Variants in CACNG8 observed in about 807,000 individuals in gnomAD.
CACNG8 encodes the protein calcium voltage-gated channel auxiliary subunit gamma 8, also known as voltage-dependent calcium channel gamma-8 subunit.
Under a neutral mutation model 26.9 loss-of-function variants are expected in CACNG8, and 5 were observed. The ratio of observed to expected loss-of-function variants is 0.19; its 90% CI spans 0.10 to 0.39. The LOEUF (loss-of-function observed/expected upper bound fraction) is 0.39. Among genes scored for constraint, CACNG8 ranks in the 10% least tolerant of loss-of-function variants. CACNG8 has a pLI of 1.00. For synonymous variants in CACNG8, 321 were observed against 296.7 expected (o/e 1.08, Z -0.84); for missense variants, 473 against 609.4 (o/e 0.78, Z 2.36).
rs140141877 is a variant in CACNG8, at chr19:53,979,925, G to C, written c.426G>C (p.Gly142=). 1.9e-6 allele frequency: 3 copies of C among 1,613,126 alleles called. No homozygotes were observed. Among genetic ancestry groups the C allele is most frequent in the African/African-American group, 2.7e-5 (2 of 74,872 alleles). ...TTAGCGCCATCCTGCTGCTGCTCGG[G>C]GGTGTGTGCGTGGCGGCCTCCCGCG... is the stretch of plus-strand genomic sequence containing the variant. Residue 142 remains glycine, a synonymous_variant, in exon 3 of 4, where the codon GGG becomes GGC. Coordinates refer to ENST00000270458, the MANE Select transcript of CACNG8 (RefSeq NM_031895.6).
Position 53,982,593 on chromosome 19 carries a change from G to A in CACNG8, c.1022G>A (p.Gly341Glu). The change falls in exon 4 of 4, where the codon GGG becomes GAG. Residue 341 changes from glycine to glutamate, a missense_variant. Gly to Glu is a moderately conservative substitution (Grantham distance 98). Transcript: ENST00000270458. This position sits in a 1 kb window ranked among gnomAD's most constrained non-coding sequence, Gnocchi z 8.4. Reference sequence around the variant, plus strand: ...GTGGGGGCGTTCGGCGGCGCGGCCGGGGGCGCCGGGGGCGGCGGCGGAGGC... The same window carrying A: ...GTGGGGGCGTTCGGCGGCGCGGCCGAGGGCGCCGGGGGCGGCGGCGGAGGC... 1.0e-5 allele frequency: 10 copies of A among 955,350 alleles called. No homozygotes were observed. The highest frequency in any genetic ancestry group is 1.2e-5 in the Non-Finnish European group (10 of 805,222). The allele number at this position is 955,350 out of a possible 1,614,324, so 59.2% of individuals were successfully genotyped here. A position where few individuals can be genotyped will look rare whatever the true frequency, so the allele number is the denominator to read the frequency against.
At chr19:53,972,454 C>T (rs899325008) in intron 1 of CACNG8, among the ~76,000 whole-genome samples, 3 of 149,632 alleles carry the variant, frequency 2.0e-5, no homozygotes, top group African/African-American at 7.4e-5. Flanking sequence ...CTCCACCTCC[C>T]AGGTTCAAGC....
At chr19:53,975,791 G>A (rs746125852) in intron 1 of CACNG8, among the ~76,000 whole-genome samples, 4 of 152,236 alleles carry the variant, frequency 2.6e-5, no homozygotes, top group Non-Finnish European at 5.9e-5. Flanking sequence ...CATTCATGAT[G>A]TGTGTTTGAG....
chr19:53,978,848 G>A (rs1227651699), intron 2 of CACNG8, among the ~76,000 whole-genome samples: 1 of 133,980 alleles, frequency 7.5e-6, no homozygotes, highest in Admixed American at 7.5e-5. Flanking sequence ...AGAGATAGAC[G>A]AAGTCAGGCC....
rs112615604 is a variant in CACNG8 at position 53,967,934 on chromosome 19, T to C, written c.283+4509T>C. ...AATCATTAAAAACACATAAAACCCA[T>C]TCTTAGCTGGATTTGGCCTGTGAGC... On this transcript the variant is annotated intron_variant, in intron 1 of 3. Coordinates refer to ENST00000270458, the MANE Select transcript of CACNG8 (RefSeq NM_031895.6). 3.7e-3 allele frequency among the ~76,000 whole-genome samples: 571 copies of C among 152,284 alleles called. 10 individuals carry two copies. Among genetic ancestry groups the C allele is most frequent in the African/African-American group, 0.013 (547 of 41,556 alleles).
At position 53,982,381 on chromosome 19, in the gene CACNG8, C is replaced by T. The variant is rs1187216446; in HGVS notation, c.810C>T (p.Tyr270=). The change falls in exon 4 of 4, where the codon TAC becomes TAT. Residue 270 remains tyrosine, a synonymous_variant. Coordinates refer to ENST00000270458, the MANE Select transcript of CACNG8 (RefSeq NM_031895.6). The surrounding 1 kb of genome is among the most constrained non-coding windows in gnomAD (Gnocchi z 8.4). ...GTCTGCCCAGTTACCGCTTCCGCTA[C>T]CGCCGCCGCTCCCGCTCTAGCTCCC... 3 of 1,529,648 alleles carry T rather than the reference C, an allele frequency of 2.0e-6. No individual in the cohort carries two copies. The highest frequency in any genetic ancestry group is 1.7e-6 in the Non-Finnish European group (2 of 1,143,886). The allele number at this position is 1,529,648 out of a possible 1,614,324, so 94.8% of individuals were successfully genotyped here.
chr19:53,977,432 T>C (rs2069336085), intron 1 of CACNG8, among the ~76,000 whole-genome samples: 1 of 152,106 alleles, frequency 6.6e-6, no homozygotes, highest in Non-Finnish European at 1.5e-5. Context: ...GATGAGAAAA[T>C]AGCTGAGGAT....
chr19:53,972,753 G>C (rs1345030676), intron 1 of CACNG8, among the ~76,000 whole-genome samples: 1 of 152,184 alleles, frequency 6.6e-6, no homozygotes, highest in Non-Finnish European at 1.5e-5. Context: ...GAGGCTCAGG[G>C]ACGATCCGGT....
At chr19:53,970,241 A>G (rs956851369) in intron 1 of CACNG8, among the ~76,000 whole-genome samples, 2 of 152,260 alleles carry the variant, frequency 1.3e-5, no homozygotes, top group Admixed American at 1.3e-4. Context: ...GCTTGAACCC[A>G]GGAGGCAGAG....
rs1042366991 is a variant in CACNG8 at position 53,989,691 on chromosome 19, G to A, written c.*6842G>A. 1.3e-5 allele frequency: 2 copies of A among 152,266 alleles called. No individual in the cohort carries two copies. The highest frequency in any genetic ancestry group is 4.8e-5 in the African/African-American group (2 of 41,444). The allele number at this position is 152,266 out of a possible 1,614,324, so 9.4% of individuals were successfully genotyped here. A position where few individuals can be genotyped will look rare whatever the true frequency, so the allele number is the denominator to read the frequency against. The stretch of plus-strand genomic sequence containing the variant: ...GCAGCAGGCCCCTCCCCTAGCTGGG[G>A]CGGGGATGTCTGTGTGCCATCATCT... On this transcript the variant is annotated 3_prime_UTR_variant, in exon 4 of 4. Coordinates refer to ENST00000270458, the MANE Select transcript of CACNG8 (RefSeq NM_031895.6).
chr19:53,978,286 G>T, intron 2 of CACNG8, 57 bp downstream of exon 2: 1 of 1,429,290 alleles, frequency 7.0e-7, no homozygotes, highest in Non-Finnish European at 9.8e-7. Flanking sequence ...GGCCTGGAAG[G>T]CGTCGGGGTG....
At position 53,979,924 on chromosome 19, in the gene CACNG8, G is replaced by A; in HGVS notation, c.425G>A (p.Gly142Glu). ...CTTAGCGCCATCCTGCTGCTGCTCG[G>A]GGGTGTGTGCGTGGCGGCCTCCCGC... is the stretch of plus-strand genomic sequence containing the variant. The change falls in exon 3 of 4, where the codon GGG becomes GAG. Residue 142 changes from glycine (G) to glutamate (E), a missense_variant. Physicochemically the swap from Gly to Glu is moderately conservative, Grantham distance 98 (BLOSUM62 -2). Around this residue, in one of 6 missense-constraint regions of CACNG8, gnomAD observed 155 missense variants for 253.0 expected, o/e 0.61. Transcript: ENST00000270458. The A allele has an allele frequency of 6.2e-7, 1 of 1,613,232 alleles. No individual in the cohort carries two copies. Among genetic ancestry groups the A allele is most frequent in the Non-Finnish European group, 8.5e-7 (1 of 1,179,512 alleles).
At chr19:53,971,984 G>C (rs1211195566) in intron 1 of CACNG8, among the ~76,000 whole-genome samples, 2 of 152,092 alleles carry the variant, frequency 1.3e-5, no homozygotes, top group African/African-American at 4.8e-5. Flanking sequence ...TGAATTCTGT[G>C]CCTAACTTCC....
At chr19:53,964,146 C>T (rs972431625) in intron 1 of CACNG8, among the ~76,000 whole-genome samples, 7 of 151,928 alleles carry the variant, frequency 4.6e-5, no homozygotes, top group African/African-American at 9.7e-5. Flanking sequence ...CCTGCTCCTC[C>T]GCTCCACCTG....
rs2069411439 is a variant in CACNG8, at chr19:53,986,922, G to A, written c.*4073G>A. 1 of 152,302 alleles carries A rather than the reference G, an allele frequency of 6.6e-6. No homozygotes were observed. Among genetic ancestry groups the A allele is most frequent in the Admixed American group, 6.5e-5 (1 of 15,278 alleles). 9.4% of individuals were successfully genotyped at this position (152,302 alleles called of 1,614,324 possible). On this transcript the variant is annotated 3_prime_UTR_variant, in exon 4 of 4. Transcript: ENST00000270458. ...TTCGAGGAGGCCTGTGCGGTGAGCAGATCCACCATAGGACAGAGGCACAGG... is the reference window on the plus strand; with the variant it reads ...TTCGAGGAGGCCTGTGCGGTGAGCAAATCCACCATAGGACAGAGGCACAGG...
intron 1 of CACNG8, among the ~76,000 whole-genome samples, chr19:53,964,819 G>A (rs2069263262): frequency 6.6e-6 from 1 of 152,154 alleles, no homozygotes; most frequent in African/African-American, 2.4e-5. Context: ...GCCCTGCTGT[G>A]TGACCACTGT....
At position 53,990,185 on chromosome 19, in the gene CACNG8, G is replaced by C. The variant is rs1157498896; in HGVS notation, c.*7336G>C. 6.5e-6 allele frequency: 1 copy of C among 152,770 alleles called. No homozygotes were observed. Among genetic ancestry groups the C allele is most frequent in the Non-Finnish European group, 1.5e-5 (1 of 68,430 alleles). The allele number at this position is 152,770 out of a possible 1,614,324, so 9.5% of individuals were successfully genotyped here. On this transcript the variant is annotated 3_prime_UTR_variant, in exon 4 of 4. Transcript: ENST00000270458. ...AAACTGCATGGAAGGTCCCCCAGGG[G>C]TGCCCCGTCTAATAAACTCGATGAA...
At chr19:53,977,954 G>T (rs1018821372) in intron 1 of CACNG8, among the ~76,000 whole-genome samples, 192 bp from the exon 2 acceptor site, 6 of 152,072 alleles carry the variant, frequency 3.9e-5, no homozygotes, top group African/African-American at 1.2e-4. Context: ...TTTAACAGGC[G>T]GGGAAACAGA....
At chr19:53,963,537 C>T in intron 1 of CACNG8, 112 bp downstream of exon 1, 1 of 1,121,770 alleles carries the variant, frequency 8.9e-7, no homozygotes, top group Non-Finnish European at 1.2e-6. Context: ...ACCCCTCCTC[C>T]TCTGCCAGAG....
Sources: allele counts gnomAD v4.1 joint callset (sites outside exome capture counted in the v4.1 genomes callset), GRCh38; gene constraint gnomAD v4.1.1; regional missense constraint gnomAD v4.1.1; non-coding constraint Gnocchi (gnomAD v3.1); transcripts MANE v1.5; gene names NCBI Gene and HGNC (gene_info 2026-07-23, HGNC 2026-07-21).